The following MALRD1 variants were observed in gnomAD, a reference collection of about 807,000 sequenced individuals.
MALRD1 encodes the protein MAM and LDL-receptor class A domain-containing protein 1.
Under a neutral mutation model 242.1 loss-of-function variants are expected in MALRD1, and 247 were observed. The observed-to-expected ratio is 1.02, with a 90% CI of 0.92 to 1.13. The LOEUF (loss-of-function observed/expected upper bound fraction) is 1.13, where lower values mean the gene tolerates loss of function less well. MALRD1 is among the 50% of genes most tolerant of loss of function. The pLI is 0.00. For missense variants in MALRD1, 2,989 were observed against 2,533.1 expected, an observed-to-expected ratio of 1.18 and a Z score of -3.86; for synonymous variants, 995 against 866.6, an observed-to-expected ratio of 1.15 and a Z score of -2.60.
chr10:19,590,467 C>A (rs1262481062), intron 33 of MALRD1, among the ~76,000 whole-genome samples: 3 of 150,598 alleles, frequency 2.0e-5, no homozygotes, highest in African/African-American at 4.9e-5. Context: ...TATGCCTTTG[C>A]AGGGATGTTC....
chr10:19,368,078 T>G (rs1200087805), intron 26 of MALRD1, among the ~76,000 whole-genome samples: 1 of 152,092 alleles, frequency 6.6e-6, no homozygotes, highest in Non-Finnish European at 1.5e-5. Context: ...CGGTTGATTG[T>G]TTTCTTTGCT....
intron 36 of MALRD1, among the ~76,000 whole-genome samples, chr10:19,640,586 A>G (rs1248922946): frequency 6.6e-6 from 1 of 152,118 alleles, no homozygotes; most frequent in South Asian, 2.1e-4. Flanking sequence ...TTCTACTCTA[A>G]CCCTGTTCTA....
At chr10:19,584,691 T>G (rs1837300781) in intron 33 of MALRD1, among the ~76,000 whole-genome samples, 2 of 151,846 alleles carry the variant, frequency 1.3e-5, no homozygotes, top group Admixed American at 6.6e-5. Flanking sequence ...CTGAAAAAAA[T>G]GTATATTCTG....
chr10:19,504,248 C>T (rs1174711411), intron 31 of MALRD1, among the ~76,000 whole-genome samples: 3 of 152,106 alleles, frequency 2.0e-5, no homozygotes, highest in African/African-American at 2.4e-5. Flanking sequence ...GTAGCAAAGC[C>T]GGAGTGGAAA....
At chr10:19,626,487 T>C (rs983020367) in intron 36 of MALRD1, among the ~76,000 whole-genome samples, 11 of 151,914 alleles carry the variant, frequency 7.2e-5, no homozygotes, top group African/African-American at 2.4e-4. Context: ...TACTATTAGA[T>C]TGAAAACAGG....
intron 38 of MALRD1, among the ~76,000 whole-genome samples, chr10:19,700,830 A>T (rs981581854): frequency 2.0e-5 from 3 of 152,178 alleles, no homozygotes; most frequent in Non-Finnish European, 4.4e-5. Context: ...TAGGACCAAG[A>T]TAATGAAGTT....
intron 31 of MALRD1, among the ~76,000 whole-genome samples, chr10:19,502,303 G>A (rs555590043): frequency 2.0e-5 from 3 of 151,964 alleles, no homozygotes; most frequent in African/African-American, 7.2e-5. Flanking sequence ...AGTAAACTCA[G>A]AGTAATGTTA....
intron 38 of MALRD1, among the ~76,000 whole-genome samples, chr10:19,721,404 T>C (rs1378288828): frequency 1.3e-5 from 2 of 152,154 alleles, no homozygotes; most frequent in Non-Finnish European, 1.5e-5. Flanking sequence ...CCATTAATTA[T>C]GCTAAACAAA....
At chr10:19,126,811 A>G (rs887908078) in intron 7 of MALRD1, among the ~76,000 whole-genome samples, 1 of 152,048 alleles carries the variant, frequency 6.6e-6, no homozygotes, top group African/African-American at 2.4e-5. Flanking sequence ...GGTTTGTTAC[A>G]TAAGTAAACA....
intron 28 of MALRD1, among the ~76,000 whole-genome samples, chr10:19,391,814 A>G (rs1846348569): frequency 6.6e-6 from 1 of 152,228 alleles, no homozygotes; most frequent in Non-Finnish European, 1.5e-5. Context: ...CTTGAGAGCA[A>G]GGCACTGAAG....
chr10:19,048,120 G>A (rs898654456), upstream of MALRD1, among the ~76,000 whole-genome samples: 2 of 152,090 alleles, frequency 1.3e-5, no homozygotes, highest in South Asian at 2.1e-4. Context: ...AAAGTAAATC[G>A]TGATGAATTG....
intron 28 of MALRD1, among the ~76,000 whole-genome samples, chr10:19,436,662 C>G (rs1834361379): frequency 6.6e-6 from 1 of 152,100 alleles, no homozygotes; most frequent in East Asian, 1.9e-4. Flanking sequence ...AGGTCAATAT[C>G]TTATTTCCAC....
chr10:19,067,791 C>T (rs1327801024), intron 2 of MALRD1, among the ~76,000 whole-genome samples: 2 of 151,976 alleles, frequency 1.3e-5, no homozygotes, highest in Non-Finnish European at 2.9e-5. Context: ...GTTGATGGAG[C>T]TTATAGAAAA....
At chr10:19,181,027 A>G (rs1177653293) in intron 14 of MALRD1, among the ~76,000 whole-genome samples, 1 of 151,590 alleles carries the variant, frequency 6.6e-6, no homozygotes, top group African/African-American at 2.4e-5. Flanking sequence ...ATACCTCCTC[A>G]TATCAATTAG....
intron 36 of MALRD1, among the ~76,000 whole-genome samples, chr10:19,626,707 C>A (rs1463891065): frequency 6.6e-6 from 1 of 150,912 alleles, no homozygotes; most frequent in Admixed American, 6.6e-5. Flanking sequence ...AGGACCCTCA[C>A]AGAAGACCTA....
At chr10:19,393,656 C>T (rs1248627103) in intron 28 of MALRD1, among the ~76,000 whole-genome samples, 1 of 149,946 alleles carries the variant, frequency 6.7e-6, no homozygotes, top group Non-Finnish European at 1.5e-5. Context: ...CAGAGTTTCA[C>T]CATGTTAGCC....
chr10:19,530,566 A>G (rs71497280), intron 31 of MALRD1, among the ~76,000 whole-genome samples: 5,540 of 148,518 alleles, frequency 0.037, 184 homozygotes, highest in Middle Eastern at 0.095. Flanking sequence ...ACACACATAT[A>G]TATATTTCAT....
At position 19,567,603 on chromosome 10, in the gene MALRD1, C is replaced by A. The variant is rs1206936211; in HGVS notation, c.5580C>A (p.Asn1860Lys). ...ATGGCTCTGTGCCTCTCTCCAGTAACAGTCCGTTTAAGGTGGCATTTGAAG... is the reference window on the plus strand; with the variant it reads ...ATGGCTCTGTGCCTCTCTCCAGTAAAAGTCCGTTTAAGGTGGCATTTGAAG... Reference protein sequence around the residue: ...WTYGSVPLSSNSPFKVAFEAD... With the variant: ...WTYGSVPLSSKSPFKVAFEAD... The change falls in exon 33 of 40, where the codon AAC (asparagine) becomes AAA (lysine). Residue 1860 changes from asparagine (N) to lysine (K), a missense_variant. Transcript: ENST00000454679. 6.4e-7 allele frequency: 1 copy of A among 1,550,616 alleles called. No individual in the cohort carries two copies. The highest frequency in any genetic ancestry group is 8.7e-7 in the Non-Finnish European group (1 of 1,146,980).
chr10:19,619,014 A>G (rs11010707), intron 36 of MALRD1, among the ~76,000 whole-genome samples: 15,851 of 151,972 alleles, frequency 0.1, 2,488 homozygotes, highest in African/African-American at 0.34. Context: ...GCTTACCAGC[A>G]GACCAGACTC....
Sources: allele counts gnomAD v4.1 joint callset (sites outside exome capture counted in the v4.1 genomes callset), GRCh38; gene constraint gnomAD v4.1.1; transcripts MANE v1.5; gene names NCBI Gene and HGNC (gene_info 2026-07-23, HGNC 2026-07-21).